TMEM209: variants seen among roughly 807,000 people sequenced by gnomAD.
TMEM209 encodes the protein transmembrane protein 209.
TMEM209 carries 65 observed loss-of-function variants against 76.2 expected under a neutral mutation model. The ratio of observed to expected loss-of-function variants is 0.85; its 90% CI spans 0.70 to 1.05. The LOEUF (loss-of-function observed/expected upper bound fraction) is 1.05, where lower values mean the gene tolerates loss of function less well. Among genes scored for constraint, TMEM209 ranks in the 50% least tolerant of loss-of-function variants. The pLI, the probability that TMEM209 is intolerant of heterozygous loss-of-function variation, is 0.00. For synonymous variants in TMEM209, 239 were observed against 237.6 expected, an observed-to-expected ratio of 1.01 and a Z score of -0.06; for missense variants, 623 against 685.5, an observed-to-expected ratio of 0.91 and a Z score of 1.02.
intron 10 of TMEM209, 81 bp from the exon 11 acceptor site, chr7:130,175,690 G>C: frequency 9.4e-7 from 1 of 1,064,448 alleles, no homozygotes; most frequent in Non-Finnish European, 1.3e-6. Context: ...AATATAATAA[G>C]GGAAGCAAAT....
At chr7:130,195,388 A>G (rs527579743) in intron 5 of TMEM209, among the ~76,000 whole-genome samples, 1 of 152,232 alleles carries the variant, frequency 6.6e-6, no homozygotes, top group African/African-American at 2.4e-5. Flanking sequence ...GGAATTTTGA[A>G]ACTCCTATTG....
chr7:130,203,810 T>C lies in TMEM209; in HGVS notation c.177A>G (p.Thr59=). 1 of 1,605,826 alleles carries C rather than the reference T, an allele frequency of 6.2e-7. No individual in the cohort carries two copies. Among genetic ancestry groups the C allele is most frequent in the Non-Finnish European group, 8.5e-7 (1 of 1,175,770 alleles). ...GKLISSYYNV[T]YWPLWYIELA... is the part of the protein sequence containing the mutation. ...TACCAATATACCAGAGGGGCCAGTATGTCACATTGTAGTATGAACTAATCA... is the reference window on the plus strand; with the variant it reads ...TACCAATATACCAGAGGGGCCAGTACGTCACATTGTAGTATGAACTAATCA... Residue 59 remains threonine, a synonymous_variant, in exon 3 of 15, where the codon ACA becomes ACG. Coordinates refer to ENST00000397622, the MANE Select transcript of TMEM209 (RefSeq NM_032842.4).
chr7:130,196,004 T>C (rs1205449002), intron 5 of TMEM209, among the ~76,000 whole-genome samples: 1 of 152,180 alleles, frequency 6.6e-6, no homozygotes, highest in Non-Finnish European at 1.5e-5. Flanking sequence ...AGGATTTCAA[T>C]CCTGTTTTCT....
At chr7:130,170,702 G>A (rs1776007151) in intron 13 of TMEM209, among the ~76,000 whole-genome samples, 1 of 152,182 alleles carries the variant, frequency 6.6e-6, no homozygotes. Context: ...CAGTAGGAAA[G>A]GCAGACAGTA....
intron 8 of TMEM209, chr7:130,182,189 G>A (rs1797444848): frequency 6.5e-6 from 1 of 152,818 alleles, no homozygotes; most frequent in Non-Finnish European, 1.5e-5. Flanking sequence ...TGATCCGCCT[G>A]CCTCAGCCTC....
chr7:130,185,937 AG>A (rs1797583096), intron 6 of TMEM209, among the ~76,000 whole-genome samples: 2 of 152,182 alleles, frequency 1.3e-5, no homozygotes, highest in South Asian at 4.1e-4. Context: ...TGTAAAAAAA[AG>A]TTCTATTTAG....
At chr7:130,197,628 T>A (rs1442418704) in intron 5 of TMEM209, among the ~76,000 whole-genome samples, 1 of 152,202 alleles carries the variant, frequency 6.6e-6, no homozygotes, top group African/African-American at 2.4e-5. Context: ...AGGATGATAT[T>A]AAGAGTGTTT....
At chr7:130,188,401 C>T (rs1242339612) in intron 6 of TMEM209, among the ~76,000 whole-genome samples, 1 of 151,920 alleles carries the variant, frequency 6.6e-6, no homozygotes, top group East Asian at 1.9e-4. Flanking sequence ...TCGAGACCAT[C>T]CTGGCTAACA....
At chr7:130,201,785 G>T in intron 5 of TMEM209, 65 bp downstream of exon 5, 3 of 1,586,526 alleles carry the variant, frequency 1.9e-6, no homozygotes, top group Non-Finnish European at 2.6e-6. Context: ...TGACTCATTA[G>T]ATGATTTTTA....
At position 130,192,738 on chromosome 7, in the gene TMEM209, CG is replaced by C; in HGVS notation, c.658del (p.Arg220ValfsTer17). 6.2e-7 allele frequency: 1 copy of C among 1,613,854 alleles called. No individual in the cohort carries two copies. The highest frequency in any genetic ancestry group is 8.5e-7 in the Non-Finnish European group (1 of 1,179,806). ...VESSGLRSRY[R>X]SSPTVYNSPT... ...TGAGTTGTAGACGGTAGGTGAAGAA[CG>C]GTAGCGAGATCTCAATCCACTGCTC... On this transcript the variant is annotated frameshift_variant, in exon 6 of 15. Coordinates refer to ENST00000397622, the MANE Select transcript of TMEM209 (RefSeq NM_032842.4). LOFTEE classifies it high-confidence loss of function.
chr7:130,198,546 C>T lies in TMEM209; in HGVS notation c.573+3304G>A, dbSNP rs980706018. Among the ~76,000 whole-genome samples, 67 of 151,080 alleles carry T rather than the reference C, an allele frequency of 4.4e-4. 1 individual carries two copies. The highest frequency in any genetic ancestry group is 1.2e-4 in the Non-Finnish European group (8 of 67,766). Reference sequence around the variant, plus strand: ...GAATCCCTTCAACCCGGGAGGCAGACGCTGCAGTGAGCCGAGATCACACCA... The same window carrying T: ...GAATCCCTTCAACCCGGGAGGCAGATGCTGCAGTGAGCCGAGATCACACCA... On this transcript the variant is annotated intron_variant, in intron 5 of 14. Coordinates refer to ENST00000397622, the MANE Select transcript of TMEM209 (RefSeq NM_032842.4).
At position 130,181,712 on chromosome 7, in the gene TMEM209, T is replaced by C. The variant is rs117369236; in HGVS notation, c.1031A>G (p.Asn344Ser). 2,423 of 1,606,850 alleles carry C rather than the reference T, an allele frequency of 1.5e-3. 49 individuals are homozygous for C. In the Admixed American group the frequency reaches 0.028, roughly 19 times the overall value. ...AACAAGTGGCACTAATATTGTCTCATTGATCCACTAGAAGAAATAAGGTAC... is the reference window on the plus strand; with the variant it reads ...AACAAGTGGCACTAATATTGTCTCACTGATCCACTAGAAGAAATAAGGTAC... ...SWTAKFRNWI[N>S]ETILVPLVQE... Residue 344 changes from asparagine to serine, a missense_variant, in exon 9 of 15, where the codon AAT (asparagine) becomes AGT (serine). By Grantham distance (46) the Asn-to-Ser change is conservative. Transcript: ENST00000397622.
chr7:130,190,070 C>T (rs1454757891), intron 6 of TMEM209, among the ~76,000 whole-genome samples: 9 of 152,202 alleles, frequency 5.9e-5, no homozygotes, highest in Non-Finnish European at 2.9e-5. Context: ...TACAGAGGAT[C>T]CCACTAGCCC....
At chr7:130,197,184 ATGT>A (rs1798015752) in intron 5 of TMEM209, among the ~76,000 whole-genome samples, 1 of 152,256 alleles carries the variant, frequency 6.6e-6, no homozygotes, top group African/African-American at 2.4e-5. Flanking sequence ...CTGTACAGCC[ATGT>A]ACACTGCAGC....
At chr7:130,170,932 C>T (rs1040288111) in intron 13 of TMEM209, among the ~76,000 whole-genome samples, 8 of 151,350 alleles carry the variant, frequency 5.3e-5, no homozygotes, top group Non-Finnish European at 1.2e-4. Context: ...GGGTTCACGT[C>T]ATTCTCCTGC....
At chr7:130,177,364 AG>A (rs927188143) in intron 10 of TMEM209, among the ~76,000 whole-genome samples, 10 of 150,266 alleles carry the variant, frequency 6.7e-5, no homozygotes, top group South Asian at 6.3e-4. Flanking sequence ...AAAAAAAAAA[AG>A]AATGATAATT....
At chr7:130,192,177 A>G (rs1797818647) in intron 6 of TMEM209, 1 of 170,038 alleles carries the variant, frequency 5.9e-6, no homozygotes, top group Non-Finnish European at 1.3e-5. Context: ...GGCTTTCAGG[A>G]AATACTAAAA....
At chr7:130,203,929 C>T (rs1391140906) in intron 2 of TMEM209, 45 bp downstream of exon 2, 5 of 1,606,006 alleles carry the variant, frequency 3.1e-6, no homozygotes, top group South Asian at 2.2e-5. Flanking sequence ...TGGAACCAGC[C>T]ACTGGCTTCT....
chr7:130,173,662 G>C lies in TMEM209; in HGVS notation c.1527C>G (p.Ile509Met). 3 of 1,613,554 alleles carry C rather than the reference G, an allele frequency of 1.9e-6. No homozygotes were observed. The highest frequency in any genetic ancestry group is 2.5e-6 in the Non-Finnish European group (3 of 1,179,750). The change falls in exon 13 of 15, where the codon ATC becomes ATG. Residue 509 changes from isoleucine to methionine, a missense_variant. Physicochemically the swap from Ile to Met is conservative, Grantham distance 10 (BLOSUM62 1). Coordinates refer to ENST00000397622, the MANE Select transcript of TMEM209 (RefSeq NM_032842.4). ...SAINPPHYELIYQRHVYNLPK... is the reference protein window; with the variant it reads ...SAINPPHYELMYQRHVYNLPK... ...GCAGGTTGTATACATGACGCTGGTA[G>C]ATGAGCTCATAATGGGGAGGGTTGA...
Sources: gnomAD v4.1 joint callset for allele counts (sites outside exome capture counted in the v4.1 genomes callset) on GRCh38, gnomAD v4.1.1 for gene constraint, MANE v1.5 for transcripts, NCBI Gene and HGNC (gene_info 2026-07-23, HGNC 2026-07-21) for gene names.